Variants in STXBP6 observed in about 807,000 individuals in gnomAD.
The protein encoded by STXBP6 is syntaxin binding protein 6, also known as syntaxin-binding protein 6.
In STXBP6, 21 loss-of-function variants were observed where a neutral mutation model predicts 26.9. That is an observed-to-expected ratio of 0.78 (90% confidence interval 0.55 to 1.12). The LOEUF (loss-of-function observed/expected upper bound fraction) is 1.12. STXBP6 is among the 50% of genes most tolerant of loss of function. The probability of loss-of-function intolerance (pLI) is 0.00; values close to 1 mark genes in which losing one functional copy is unlikely to be tolerated. For missense variants in STXBP6, 232 were observed against 257.9 expected, an observed-to-expected ratio of 0.90 and a Z score of 0.69; for synonymous variants, 97 against 92.6, an observed-to-expected ratio of 1.05 and a Z score of -0.27.
chr14:24,854,097 G>A (rs2069245549), intron 4 of STXBP6, among the ~76,000 whole-genome samples: 1 of 152,068 alleles, frequency 6.6e-6, no homozygotes, highest in South Asian at 2.1e-4. Flanking sequence ...AACTGTAATT[G>A]AATGAAGGAA....
intron 2 of STXBP6, among the ~76,000 whole-genome samples, chr14:24,873,750 T>C (rs2070029657): frequency 1.3e-5 from 2 of 152,178 alleles, no homozygotes. Context: ...AGGAGATTCA[T>C]TTTGCAGATG....
intron 4 of STXBP6, among the ~76,000 whole-genome samples, chr14:24,838,419 C>T (rs1388303057): frequency 6.6e-6 from 1 of 152,182 alleles, no homozygotes; most frequent in African/African-American, 2.4e-5. Context: ...GGCGTGGTGG[C>T]TCATGCCTGT....
At chr14:25,033,861 TG>T (rs1180417647) in intron 1 of STXBP6, among the ~76,000 whole-genome samples, 2 of 152,216 alleles carry the variant, frequency 1.3e-5, no homozygotes, top group Admixed American at 6.5e-5. Flanking sequence ...TAGACTCTTT[TG>T]CTGAATGAAT....
chr14:24,836,670 C>T (rs376685278), intron 4 of STXBP6, among the ~76,000 whole-genome samples: 25 of 127,204 alleles, frequency 2.0e-4, no homozygotes, highest in Non-Finnish European at 3.4e-4. Context: ...TAGCTATTAA[C>T]AGACTAAATT....
At chr14:24,846,815 C>T (rs1594952770) in intron 4 of STXBP6, among the ~76,000 whole-genome samples, 1 of 152,134 alleles carries the variant, frequency 6.6e-6, no homozygotes, top group East Asian at 1.9e-4. Context: ...TTTCAAAGAA[C>T]TACCTATGCT....
chr14:24,877,146 T>A (rs2070173821), intron 2 of STXBP6, among the ~76,000 whole-genome samples: 1 of 152,166 alleles, frequency 6.6e-6, no homozygotes, highest in Admixed American at 6.5e-5. Context: ...TGTGAACATA[T>A]TAGAAATCTG....
intron 1 of STXBP6, among the ~76,000 whole-genome samples, chr14:25,023,137 G>A (rs567177009): frequency 6.6e-6 from 1 of 152,216 alleles, no homozygotes; most frequent in East Asian, 1.9e-4. Flanking sequence ...AACAAGCGGG[G>A]ATCATTAAGA....
chr14:24,910,520 T>C (rs1224407781), intron 2 of STXBP6, among the ~76,000 whole-genome samples: 1 of 152,216 alleles, frequency 6.6e-6, no homozygotes, highest in Non-Finnish European at 1.5e-5. Flanking sequence ...TATCATCTTC[T>C]AGTCCCTTCT....
intron 2 of STXBP6, among the ~76,000 whole-genome samples, chr14:24,903,670 C>T (rs1285873921): frequency 6.6e-6 from 1 of 151,978 alleles, no homozygotes; most frequent in East Asian, 1.9e-4. Flanking sequence ...CAAAATAATG[C>T]TATATTTTGT....
intron 1 of STXBP6, among the ~76,000 whole-genome samples, chr14:25,023,792 T>C (rs1294080939): frequency 2.6e-5 from 4 of 151,858 alleles, no homozygotes; most frequent in African/African-American, 9.7e-5. Flanking sequence ...TGGAATGCAA[T>C]GGAATGCAAC....
chr14:24,861,872 GT>G, intron 2 of STXBP6, among the ~76,000 whole-genome samples: 1 of 152,258 alleles, frequency 6.6e-6, no homozygotes, highest in Non-Finnish European at 1.5e-5. Flanking sequence ...GGTCAAGTTT[GT>G]CTCTGGGGCC....
At chr14:24,875,811 G>C (rs931864067) in intron 2 of STXBP6, among the ~76,000 whole-genome samples, 2 of 152,158 alleles carry the variant, frequency 1.3e-5, no homozygotes, top group African/African-American at 4.8e-5. Flanking sequence ...GACACAAGGG[G>C]TAAGGGTGGC....
intron 4 of STXBP6, among the ~76,000 whole-genome samples, chr14:24,853,832 G>A (rs1254137270): frequency 6.6e-6 from 1 of 152,062 alleles, no homozygotes; most frequent in Non-Finnish European, 1.5e-5. Flanking sequence ...GGGTTCACAA[G>A]GCAATGAAAG....
At chr14:24,833,799 T>A (rs1029863426) in intron 4 of STXBP6, among the ~76,000 whole-genome samples, 2 of 152,206 alleles carry the variant, frequency 1.3e-5, no homozygotes, top group Non-Finnish European at 2.9e-5. Context: ...TGGAAAAAAT[T>A]GTTTTCAATA....
At chr14:25,039,873 A>AT (rs889959508) in intron 1 of STXBP6, among the ~76,000 whole-genome samples, 22 of 151,306 alleles carry the variant, frequency 1.5e-4, no homozygotes, top group African/African-American at 4.1e-4. Flanking sequence ...TGCCCGGCTA[A>AT]TTTTTTTTTA....
intron 2 of STXBP6, among the ~76,000 whole-genome samples, chr14:24,946,672 C>G (rs1361068225): frequency 6.6e-6 from 1 of 152,110 alleles, no homozygotes; most frequent in African/African-American, 2.4e-5. Flanking sequence ...ATTACAAGTG[C>G]CCAAGGCAAG....
At chr14:24,994,177 G>T (rs986374470) in intron 1 of STXBP6, among the ~76,000 whole-genome samples, 13 of 152,144 alleles carry the variant, frequency 8.5e-5, no homozygotes, top group African/African-American at 3.1e-4. Flanking sequence ...TAGTTCTGAA[G>T]AAAGAGACTC....
At chr14:24,814,495 C>T (rs766339440) in intron 5 of STXBP6, among the ~76,000 whole-genome samples, 1 of 152,174 alleles carries the variant, frequency 6.6e-6, no homozygotes, top group Non-Finnish European at 1.5e-5. Context: ...TGCCAATTTA[C>T]CCACAGCTAT....
rs78388299 is a variant in STXBP6, at chr14:24,988,740, A to G, written c.-32-13890T>C. ...ACAGACAGCCCCCAATCCAAGGTGG[A>G]AAGCAGAGAATACTCTGCAGGGAAC... On this transcript the variant is annotated intron_variant, in intron 1 of 5. Transcript: ENST00000323944. Among the ~76,000 whole-genome samples the G allele has an allele frequency of 4.1e-3, 623 of 152,310 alleles. 14 individuals carry two copies. In the East Asian group the frequency reaches 0.042, roughly 10 times the overall value.
Sources: gnomAD v4.1 joint callset for allele counts (sites outside exome capture counted in the v4.1 genomes callset) on GRCh38, gnomAD v4.1.1 for gene constraint, MANE v1.5 for transcripts, NCBI Gene and HGNC (gene_info 2026-07-23, HGNC 2026-07-21) for gene names.